The following TBC1D16 variants were observed in gnomAD, a reference collection of about 807,000 sequenced individuals.
TBC1D16 encodes the protein TBC1 domain family member 16.
In TBC1D16, 58 loss-of-function variants were observed where a neutral mutation model predicts 74.7. The ratio of observed to expected loss-of-function variants is 0.78; its 90% CI spans 0.63 to 0.97. The LOEUF is 0.97. Among genes scored for constraint, TBC1D16 ranks in the 50% least tolerant of loss-of-function variants. The pLI, the probability that TBC1D16 is intolerant of heterozygous loss-of-function variation, is 0.00. For synonymous variants in TBC1D16, 493 were observed against 474.7 expected (o/e 1.04, Z -0.50); for missense variants, 1,014 against 1,079.5 (o/e 0.94, Z 0.85).
At chr17:79,995,048 C>G (rs1234025734) in intron 3 of TBC1D16, among the ~76,000 whole-genome samples, 1 of 152,048 alleles carries the variant, frequency 6.6e-6, no homozygotes, top group African/African-American at 2.4e-5. Context: ...GCCTGTAATC[C>G]CAGCACATTG....
intron 1 of TBC1D16, among the ~76,000 whole-genome samples, chr17:80,020,167 C>A (rs2036236790): frequency 2.0e-5 from 3 of 149,952 alleles, no homozygotes; most frequent in South Asian, 4.2e-4. Flanking sequence ...CCTGCCGACA[C>A]CTTGATCTTA....
chr17:80,003,445 G>A (rs958038256), intron 3 of TBC1D16, among the ~76,000 whole-genome samples: 9 of 152,292 alleles, frequency 5.9e-5, no homozygotes, highest in African/African-American at 1.2e-4. Context: ...GTGGCAGGCC[G>A]GCGGCACTGG....
At position 79,990,249 on chromosome 17, in the gene TBC1D16, G is replaced by A. The variant is rs3934967; in HGVS notation, c.779+19911C>T. Among the ~76,000 whole-genome samples the A allele has an allele frequency of 0.64, 97,336 of 152,132 alleles. 32,521 individuals are homozygous for A. The highest frequency in any genetic ancestry group is 0.73 in the Non-Finnish European group (49,864 of 67,982). On this transcript the variant is annotated intron_variant, in intron 3 of 11. Coordinates refer to ENST00000310924, the MANE Select transcript of TBC1D16 (RefSeq NM_019020.4). The surrounding 1 kb of genome is among the most constrained non-coding windows in gnomAD (Gnocchi z 4.8). Reference sequence around the variant, plus strand: ...ACAGCAGCCGTAGCCCTCACAAGGCGTGTGCGGTGACGGGTCTCGGGCGCC... The same window carrying A: ...ACAGCAGCCGTAGCCCTCACAAGGCATGTGCGGTGACGGGTCTCGGGCGCC...
At chr17:79,965,372 G>A (rs567521359) in intron 3 of TBC1D16, among the ~76,000 whole-genome samples, 3 of 152,098 alleles carry the variant, frequency 2.0e-5, no homozygotes, top group South Asian at 2.1e-4. Context: ...GTGAGCCACC[G>A]CGCCTGGCCT....
intron 9 of TBC1D16, among the ~76,000 whole-genome samples, 178 bp downstream of exon 9, chr17:79,947,467 G>A (rs1163173742): frequency 6.6e-6 from 1 of 152,138 alleles, no homozygotes; most frequent in Admixed American, 6.5e-5. Flanking sequence ...GGCCATCCCC[G>A]GAGGCCGAGA....
In TBC1D16 at chr17:80,009,616, C is replaced by G. The variant is rs1203270063; in HGVS notation, c.779+544G>C. 6.6e-6 allele frequency among the ~76,000 whole-genome samples: 1 copy of G among 152,234 alleles called. No homozygotes were observed. Among genetic ancestry groups the G allele is most frequent in the African/African-American group, 2.4e-5 (1 of 41,468 alleles). On this transcript the variant is annotated intron_variant, in intron 3 of 11. Transcript: ENST00000310924. This position sits in a 1 kb window ranked among gnomAD's most constrained non-coding sequence, Gnocchi z 5.4. ...GCCCCGGGACTACATCCATCCTCCACAGCTATGAGAAAGAGGGAGGCTGAA... is the reference window on the plus strand; with the variant it reads ...GCCCCGGGACTACATCCATCCTCCAGAGCTATGAGAAAGAGGGAGGCTGAA...
chr17:79,944,832 G>A lies in TBC1D16; in HGVS notation c.1908+76C>T. On this transcript the variant is annotated intron_variant, in intron 10 of 11. Coordinates refer to ENST00000310924, the MANE Select transcript of TBC1D16 (RefSeq NM_019020.4). The surrounding 1 kb of genome is among the most constrained non-coding windows in gnomAD (Gnocchi z 7.7). ...GTGGGGGGCGGCGAGGCGGACAGGGGCAGCAGGCAGGGTGGCCACGGTGGT... is the reference window on the plus strand; with the variant it reads ...GTGGGGGGCGGCGAGGCGGACAGGGACAGCAGGCAGGGTGGCCACGGTGGT... The A allele has an allele frequency of 3.7e-6, 5 of 1,336,388 alleles. 1 individual carries two copies. Among genetic ancestry groups the A allele is most frequent in the Non-Finnish European group, 5.0e-6 (5 of 994,360 alleles). The allele number at this position is 1,336,388 out of a possible 1,614,324, so 82.8% of individuals were successfully genotyped here. A position where few individuals can be genotyped will look rare whatever the true frequency, so the allele number is the denominator to read the frequency against.
At chr17:80,012,527 C>T (rs369405434) in intron 2 of TBC1D16, among the ~76,000 whole-genome samples, 1 of 151,842 alleles carries the variant, frequency 6.6e-6, no homozygotes, top group African/African-American at 2.4e-5. Context: ...ATTCAGTATT[C>T]GATTGAAACA....
At chr17:80,012,972 C>T (rs1157968672) in intron 2 of TBC1D16, among the ~76,000 whole-genome samples, 1 of 152,228 alleles carries the variant, frequency 6.6e-6, no homozygotes, top group South Asian at 2.1e-4. Context: ...TGAACACCAG[C>T]GTCCTTACCC....
At position 80,001,291 on chromosome 17, in the gene TBC1D16, C is replaced by T. The variant is rs970132448; in HGVS notation, c.779+8869G>A. Among the ~76,000 whole-genome samples, 10 of 152,300 alleles carry T rather than the reference C, an allele frequency of 6.6e-5. No individual in the cohort carries two copies. In the South Asian group the frequency reaches 1.0e-3, roughly 16 times the overall value. On this transcript the variant is annotated intron_variant, in intron 3 of 11. Transcript: ENST00000310924. The surrounding 1 kb of genome is among the most constrained non-coding windows in gnomAD (Gnocchi z 5.8). ...GGGGGGAGTCTGGGGGAGGGAGGAA[C>T]GCCACACAGAGCCTGCCAAGTGCTA...
At position 79,941,900 on chromosome 17, in the gene TBC1D16, G is replaced by A. The variant is rs1240679195; in HGVS notation, c.2055+160C>T. ...GAGGCCTTAGTGGGGAGCCCCCAGT[G>A]CTATGGGTGGGGGAGGGCACGTGCT... On this transcript the variant is annotated intron_variant, in intron 11 of 11. Transcript: ENST00000310924. The surrounding 1 kb of genome is among the most constrained non-coding windows in gnomAD (Gnocchi z 4.3). 6.6e-6 allele frequency among the ~76,000 whole-genome samples: 1 copy of A among 150,460 alleles called. No individual in the cohort carries two copies. The highest frequency in any genetic ancestry group is 1.5e-5 in the Non-Finnish European group (1 of 67,904).
Position 80,007,144 on chromosome 17 carries a change from C to T in TBC1D16, c.779+3016G>A, listed in dbSNP as rs1029158754. On this transcript the variant is annotated intron_variant, in intron 3 of 11. Transcript: ENST00000310924. The surrounding 1 kb of genome is among the most constrained non-coding windows in gnomAD (Gnocchi z 4.5). ...CACGTTCAGCGAGCCTCCCCTGGACCGGGCTGACACAGGCCTGAGGTGCGA... is the reference window on the plus strand; with the variant it reads ...CACGTTCAGCGAGCCTCCCCTGGACTGGGCTGACACAGGCCTGAGGTGCGA... 3.0e-4 allele frequency among the ~76,000 whole-genome samples: 45 copies of T among 152,306 alleles called. No individual in the cohort carries two copies. Among genetic ancestry groups the T allele is most frequent in the African/African-American group, 9.9e-4 (41 of 41,558 alleles).
At chr17:79,958,237 G>A (rs1463232128) in intron 3 of TBC1D16, among the ~76,000 whole-genome samples, 2 of 139,518 alleles carry the variant, frequency 1.4e-5, no homozygotes, top group East Asian at 4.1e-4. Context: ...TTTTTTTTGA[G>A]ATGGAGTTTT....
At chr17:79,970,135 C>A (rs183337744) in intron 3 of TBC1D16, among the ~76,000 whole-genome samples, 1 of 152,108 alleles carries the variant, frequency 6.6e-6, no homozygotes, top group African/African-American at 2.4e-5. Flanking sequence ...TGTTACAACA[C>A]GGATGAATCC....
rs1159737540 is a variant in TBC1D16 at position 80,010,945 on chromosome 17, T to C, written c.182-188A>G. On this transcript the variant is annotated intron_variant, in intron 2 of 11. Coordinates refer to ENST00000310924, the MANE Select transcript of TBC1D16 (RefSeq NM_019020.4). The surrounding 1 kb of genome is among the most constrained non-coding windows in gnomAD (Gnocchi z 8.8). The stretch of plus-strand genomic sequence containing the variant: ...TGTGGAGCTTGAAATGAATTCCAGC[T>C]ATGCGTGTTTTTTAAGAACACACAC... 1.3e-5 allele frequency among the ~76,000 whole-genome samples: 2 copies of C among 152,202 alleles called. No homozygotes were observed. The highest frequency in any genetic ancestry group is 1.9e-4 in the East Asian group (1 of 5,188).
intron 3 of TBC1D16, among the ~76,000 whole-genome samples, chr17:79,997,002 C>T (rs1164728706): frequency 6.6e-6 from 1 of 152,152 alleles, no homozygotes; most frequent in East Asian, 1.9e-4. Context: ...TAGAGCTTCA[C>T]AGGATGATGC....
chr17:79,949,701 T>A lies in TBC1D16; in HGVS notation c.1406+16A>T. On this transcript the variant is annotated intron_variant, in intron 7 of 11. Coordinates refer to ENST00000310924, the MANE Select transcript of TBC1D16 (RefSeq NM_019020.4). ...CGCGGCTCGGCGGGGTGGGCCGGGC[T>A]GGCCCCGGCGGTTACCTTTTCTGCT... The A allele has an allele frequency of 6.3e-7, 1 of 1,595,518 alleles. No individual in the cohort carries two copies. Among genetic ancestry groups the A allele is most frequent in the Non-Finnish European group, 8.6e-7 (1 of 1,168,052 alleles).
intron 1 of TBC1D16, among the ~76,000 whole-genome samples, chr17:80,027,048 C>T (rs988674114): frequency 2.0e-5 from 3 of 152,114 alleles, no homozygotes; most frequent in African/African-American, 7.2e-5. Flanking sequence ...CAGGCTTTTC[C>T]AATCTATAGG....
chr17:79,953,242 G>A (rs1239081580), intron 3 of TBC1D16, among the ~76,000 whole-genome samples: 2 of 152,202 alleles, frequency 1.3e-5, no homozygotes, highest in African/African-American at 4.8e-5. Context: ...AAAACTGGTT[G>A]TTTTGGGATG....
Sources: gnomAD v4.1 joint callset for allele counts (sites outside exome capture counted in the v4.1 genomes callset) on GRCh38, gnomAD v4.1.1 for gene constraint, Gnocchi (gnomAD v3.1) non-coding constraint, MANE v1.5 for transcripts, NCBI Gene and HGNC (gene_info 2026-07-23, HGNC 2026-07-21) for gene names.